Variants in KCTD2 observed in about 807,000 individuals in gnomAD.
KCTD2 encodes potassium channel tetramerization domain containing 2, also known as BTB/POZ domain-containing protein KCTD2.
Under a neutral mutation model 27.9 loss-of-function variants are expected in KCTD2, and 18 were observed. The ratio of observed to expected loss-of-function variants is 0.64; its 90% confidence interval spans 0.45 to 0.96. KCTD2 has a LOEUF of 0.96. KCTD2 is among the 40% of genes least tolerant of loss of function. The probability of loss-of-function intolerance (pLI) is 0.00; values close to 1 mark genes in which losing one functional copy is unlikely to be tolerated. For missense variants in KCTD2, 280 were observed against 348.0 expected (o/e 0.80, Z 1.56); for synonymous variants, 175 against 148.4 (o/e 1.18, Z -1.30).
intron 5 of KCTD2, 66 bp downstream of exon 5, chr17:75,062,311 T>C: frequency 6.7e-7 from 1 of 1,493,880 alleles, no homozygotes; most frequent in African/African-American, 1.4e-5. Flanking sequence ...CGTGGGCTTT[T>C]CCTGAACTCT....
intron 3 of KCTD2, chr17:75,040,219 A>G: frequency 6.2e-7 from 1 of 1,608,474 alleles, no homozygotes; most frequent in Admixed American, 1.7e-5. Flanking sequence ...ACACAAGGAC[A>G]GTGAGTCGTC....
At chr17:75,038,289 C>CCCA (rs1405613582) in intron 3 of KCTD2, among the ~76,000 whole-genome samples, 1 of 151,928 alleles carries the variant, frequency 6.6e-6, no homozygotes, top group Non-Finnish European at 1.5e-5. Flanking sequence ...CGCCCCCCGC[C>CCCA]CCACCACCAC....
chr17:75,058,587 C>T (rs955146019), intron 3 of KCTD2, among the ~76,000 whole-genome samples: 7 of 151,200 alleles, frequency 4.6e-5, no homozygotes, highest in Non-Finnish European at 1.0e-4. Flanking sequence ...ATCATGAGGT[C>T]AGGAGTTCAA....
rs561526384 is a variant in KCTD2 at position 75,055,581 on chromosome 17, C to T, written c.540+2476C>T. The stretch of plus-strand genomic sequence containing the variant: ...GGGCGTGGTGGCTCATGCCTGTAAT[C>T]CCAGCACTTTGGGAGGCCGAGGCAG... On this transcript the variant is annotated intron_variant, in intron 3 of 5. Coordinates refer to ENST00000322444, the MANE Select transcript of KCTD2 (RefSeq NM_015353.3). Among the ~76,000 whole-genome samples the T allele has an allele frequency of 8.1e-4, 123 of 151,780 alleles. 1 individual carries two copies. Among genetic ancestry groups the T allele is most frequent in the African/African-American group, 2.9e-3 (119 of 41,440 alleles).
At position 75,049,257 on chromosome 17, in the gene KCTD2, C is replaced by G; in HGVS notation, c.377C>G (p.Thr126Ser). ...TGAYLIDRDP[T>S]YFGPILNYLR... ...GCCTATCTGATTGACAGGGACCCCACCTACTTTGGTCCTATCCTCAACTAC... is the reference window on the plus strand; with the variant it reads ...GCCTATCTGATTGACAGGGACCCCAGCTACTTTGGTCCTATCCTCAACTAC... Residue 126 changes from threonine to serine, a missense_variant, in exon 2 of 6, where the codon ACC becomes AGC. Coordinates refer to ENST00000322444, the MANE Select transcript of KCTD2 (RefSeq NM_015353.3). 3.7e-6 allele frequency: 6 copies of G among 1,613,752 alleles called. No homozygotes were observed. The highest frequency in any genetic ancestry group is 3.4e-6 in the Non-Finnish European group (4 of 1,179,662).
intron 3 of KCTD2, among the ~76,000 whole-genome samples, chr17:75,037,566 A>G (rs2073116328): frequency 1.3e-5 from 2 of 152,194 alleles, no homozygotes; most frequent in Non-Finnish European, 2.9e-5. Context: ...AAAATCAGCA[A>G]TTGGGTTGTA....
intron 3 of KCTD2, among the ~76,000 whole-genome samples, chr17:75,055,525 GGCCAACATGGT>G (rs1438815343): frequency 1.3e-5 from 2 of 151,320 alleles, no homozygotes; most frequent in Non-Finnish European, 2.9e-5. Flanking sequence ...AGACCAGCCT[GGCCAACATGGT>G]GAAACCCTGT....
chr17:75,047,437 G>C lies in KCTD2; in HGVS notation c.187G>C (p.Glu63Gln). ...QPLEPGPGPP[E>Q]RAGGGGAARW... Reference sequence around the variant, plus strand: ...GCTGGAGCCGGGTCCCGGACCACCCGAGCGGGCAGGGGGCGGCGGCGCGGC... The same window carrying C: ...GCTGGAGCCGGGTCCCGGACCACCCCAGCGGGCAGGGGGCGGCGGCGCGGC... The change falls in exon 1 of 6, where the codon GAG becomes CAG. Residue 63 changes from glutamate (E) to glutamine (Q), a missense_variant. Coordinates refer to ENST00000322444, the MANE Select transcript of KCTD2 (RefSeq NM_015353.3). 1 of 1,461,706 alleles carries C rather than the reference G, an allele frequency of 6.8e-7. No homozygotes were observed. The highest frequency in any genetic ancestry group is 9.1e-7 in the Non-Finnish European group (1 of 1,102,598). The allele number at this position is 1,461,706 out of a possible 1,614,324, so 90.5% of individuals were successfully genotyped here.
chr17:75,056,626 C>T (rs1486160035), intron 3 of KCTD2, among the ~76,000 whole-genome samples: 1 of 152,166 alleles, frequency 6.6e-6, no homozygotes, highest in Non-Finnish European at 1.5e-5. Context: ...ACTATCTTTC[C>T]ATCTGTCCTT....
At chr17:75,045,871 G>T (rs2073209831), upstream of KCTD2, among the ~76,000 whole-genome samples, 3 of 152,228 alleles carry the variant, frequency 2.0e-5, no homozygotes, top group South Asian at 6.2e-4. Context: ...GACTGGGGAA[G>T]TGATAAGTGT....
At position 75,040,529 on chromosome 17, in the gene KCTD2, A is replaced by C. The variant is rs934042078; in HGVS notation, c.-259+5172A>C. The C allele has an allele frequency of 1.1e-5, 3 of 265,378 alleles. No individual in the cohort carries two copies. The East Asian group carries it at 3.0e-4, about 27-fold the overall frequency. The allele number at this position is 265,378 out of a possible 1,614,324, so 16.4% of individuals were successfully genotyped here. ...AAAGAAATTCTGATTTCTCTTCTGC[A>C]TGGAACCCTAGGGAGCTGACTGGTG... On this transcript the variant is annotated intron_variant, in intron 3 of 7. Coordinates refer to the KCTD2 transcript ENST00000581589.
At chr17:75,035,139 T>C (rs1157921597) in intron 2 of KCTD2, 1 of 152,006 alleles carries the variant, frequency 6.6e-6, no homozygotes, top group Non-Finnish European at 1.5e-5. Flanking sequence ...GGATAAGGCG[T>C]CTGACTTCGG....
At position 75,062,040 on chromosome 17, in the gene KCTD2, AAG is replaced by A; in HGVS notation, c.637-77_637-76del. On this transcript the variant is annotated intron_variant, in intron 4 of 5. Transcript: ENST00000322444. ...TTTGATAACTTAAAAGTTCAGTCGG[AAG>A]AGGGGTGATTTGTGTAGCACTTTCG... 4 of 1,521,936 alleles carry A rather than the reference AAG, an allele frequency of 2.6e-6. No individual in the cohort carries two copies. The East Asian group carries it at 6.9e-5, about 26-fold the overall frequency. 94.3% of individuals were successfully genotyped at this position (1,521,936 alleles called of 1,614,324 possible).
rs147859911 is a variant in KCTD2, at chr17:75,049,051, A to G, written c.340-169A>G. On this transcript the variant is annotated intron_variant, in intron 1 of 5. Coordinates refer to ENST00000322444, the MANE Select transcript of KCTD2 (RefSeq NM_015353.3). ...TACATAAAGCTATAGCTTTCTTACC[A>G]ATAGTTTGTGACAAATGTGTAACAA... 479 of 529,092 alleles carry G rather than the reference A, an allele frequency of 9.1e-4. 3 individuals carry two copies. The highest frequency in any genetic ancestry group is 8.4e-3 in the African/African-American group (447 of 52,962). 32.8% of individuals were successfully genotyped at this position (529,092 alleles called of 1,614,324 possible).
At chr17:75,045,925 C>T (rs1220746067), upstream of KCTD2, among the ~76,000 whole-genome samples, 1 of 152,196 alleles carries the variant, frequency 6.6e-6, no homozygotes, top group Non-Finnish European at 1.5e-5. Flanking sequence ...GCAGTAAAGA[C>T]AGGCATAAGA....
In KCTD2 at chr17:75,040,572, T is replaced by G. The variant is rs531381006; in HGVS notation, c.-259+5215T>G. The G allele has an allele frequency of 2.9e-5, 6 of 210,314 alleles. No homozygotes were observed. The East Asian group carries it at 8.2e-4, about 29-fold the overall frequency. 13.0% of individuals were successfully genotyped at this position (210,314 alleles called of 1,614,324 possible). A position where few individuals can be genotyped will look rare whatever the true frequency, so the allele number is the denominator to read the frequency against. The stretch of plus-strand genomic sequence containing the variant: ...GACTGGTGGAAGGAGCACTGCGTAA[T>G]GAATGGTCTCCTTAGAAGACTGCTT... On this transcript the variant is annotated intron_variant, in intron 3 of 7. Coordinates refer to the KCTD2 transcript ENST00000581589.
intron 3 of KCTD2, among the ~76,000 whole-genome samples, chr17:75,053,858 C>CTTTTTTTTTTTTTTTTTTTT (rs71159419): frequency 6.7e-5 from 4 of 59,322 alleles, no homozygotes; most frequent in African/African-American, 9.7e-5. Flanking sequence ...GTGAACCATG[C>CTTTTTTTTTTTTTTTTTTTT]TTTTTTTTTT....
At chr17:75,035,366 G>T (rs1294815147) in intron 3 of KCTD2, 2 of 152,086 alleles carry the variant, frequency 1.3e-5, no homozygotes, top group Non-Finnish European at 2.9e-5. Flanking sequence ...GGGTAAGTAG[G>T]GCCCCATTTC....
chr17:75,061,865 G>A (rs1027614913), intron 4 of KCTD2, among the ~76,000 whole-genome samples: 1 of 151,786 alleles, frequency 6.6e-6, no homozygotes, highest in Non-Finnish European at 1.5e-5. Context: ...GCCGCTGACG[G>A]GGGGGGACTT....
Sources: allele counts gnomAD v4.1 joint callset (sites outside exome capture counted in the v4.1 genomes callset), GRCh38; gene constraint gnomAD v4.1.1; transcripts MANE v1.5; gene names NCBI Gene and HGNC (gene_info 2026-07-23, HGNC 2026-07-21).